Variants in DLGAP1 observed in about 807,000 individuals in gnomAD.
DLGAP1 encodes DLG associated protein 1.
A neutral mutation model predicts 90.8 loss-of-function variants in DLGAP1; 11 were observed. The observed-to-expected ratio is 0.12, with a 90% CI of 0.08 to 0.20. The LOEUF (loss-of-function observed/expected upper bound fraction) is 0.20, where lower values mean the gene tolerates loss of function less well. Among genes scored for constraint, DLGAP1 ranks in the 10% least tolerant of loss-of-function variants. The pLI, the probability that DLGAP1 is intolerant of heterozygous loss-of-function variation, is 1.00. For synonymous variants in DLGAP1, 558 were observed against 540.7 expected (o/e 1.03, Z -0.44); for missense variants, 1,050 against 1,333.8 (o/e 0.79, Z 3.31).
At chr18:3,664,204 ACACACACACACACC>A (rs1357485393) in intron 7 of DLGAP1, among the ~76,000 whole-genome samples, 109 of 139,836 alleles carry the variant, frequency 7.8e-4, no homozygotes, top group African/African-American at 1.4e-3. Context: ...ACACACACAC[ACACACACACACACC>A]CACACACACA....
At chr18:4,352,974 G>A (rs1490681754) in intron 1 of DLGAP1, among the ~76,000 whole-genome samples, 2 of 152,080 alleles carry the variant, frequency 1.3e-5, no homozygotes, top group Non-Finnish European at 2.9e-5. Flanking sequence ...CCTCACTCCC[G>A]AAAAGTCTTC....
At chr18:4,007,832 T>G (rs2074335176) in intron 2 of DLGAP1, among the ~76,000 whole-genome samples, 1 of 152,218 alleles carries the variant, frequency 6.6e-6, no homozygotes, top group Non-Finnish European at 1.5e-5. Context: ...CTATGGATCC[T>G]AGTCAGCATT....
Position 4,055,408 on chromosome 18 carries a change from G to A in DLGAP1, c.-158-50207C>T, listed in dbSNP as rs143879030. Among the ~76,000 whole-genome samples, 4 of 152,308 alleles carry A rather than the reference G, an allele frequency of 2.6e-5. No homozygotes were observed. The East Asian group carries it at 7.7e-4, about 29-fold the overall frequency. On this transcript the variant is annotated intron_variant, in intron 2 of 12. Coordinates refer to ENST00000315677, the MANE Select transcript of DLGAP1 (RefSeq NM_004746.4). ...AGATGATAAGCACAGAACCTGATAG[G>A]TAGTTTTTTATCCTCACTGTCCTCC...
rs79856107 is a variant in DLGAP1, at chr18:3,552,796, C to G, written c.2057+14694G>C. ...GACTTTTTAGCTCCATCTTCATCCC[C>G]GCTTTCAGAGCGCCCAATGCCACCC... On this transcript the variant is annotated intron_variant, in intron 9 of 12. Coordinates refer to ENST00000315677, the MANE Select transcript of DLGAP1 (RefSeq NM_004746.4). Among the ~76,000 whole-genome samples the G allele has an allele frequency of 2.7e-4, 41 of 152,284 alleles. No homozygotes were observed. In the East Asian group the frequency reaches 5.2e-3, roughly 19 times the overall value.
chr18:4,262,385 G>A (rs888331070), intron 1 of DLGAP1, among the ~76,000 whole-genome samples: 22 of 152,240 alleles, frequency 1.4e-4, no homozygotes, highest in Non-Finnish European at 1.9e-4. Context: ...TGTCTAAGTG[G>A]GTTATATTAT....
intron 5 of DLGAP1, among the ~76,000 whole-genome samples, chr18:3,781,478 G>A (rs938795270): frequency 1.3e-5 from 2 of 151,634 alleles, no homozygotes; most frequent in Non-Finnish European, 2.9e-5. Flanking sequence ...TCAGCCTCCC[G>A]AGTAGCTGGG....
chr18:4,355,900 A>G (rs2081503447), intron 1 of DLGAP1, among the ~76,000 whole-genome samples: 1 of 102,062 alleles, frequency 9.8e-6, no homozygotes, highest in Non-Finnish European at 2.4e-5. Flanking sequence ...ACTTCTCAAA[A>G]TTTATCTACT....
At chr18:3,508,765 G>A in intron 10 of DLGAP1, 104 bp from the exon 11 acceptor site, 1 of 851,704 alleles carries the variant, frequency 1.2e-6, no homozygotes, top group Admixed American at 2.2e-5. Context: ...TAGGGAAAAT[G>A]GCACACACAC....
intron 1 of DLGAP1, among the ~76,000 whole-genome samples, chr18:4,212,433 A>AGGT (rs1341785997): frequency 6.6e-6 from 1 of 151,504 alleles, no homozygotes; most frequent in Non-Finnish European, 1.5e-5. Context: ...TGGGAGGCTG[A>AGGT]GGTGGGTGGA....
At chr18:4,119,303 G>A (rs78766515) in intron 2 of DLGAP1, among the ~76,000 whole-genome samples, 1,749 of 151,994 alleles carry the variant, frequency 0.012, 11 homozygotes, top group Non-Finnish European at 0.018. Context: ...TATGTCTCAC[G>A]GGCTCTTCTT....
At chr18:4,417,214 T>A (rs902721367) in intron 1 of DLGAP1, among the ~76,000 whole-genome samples, 4 of 152,166 alleles carry the variant, frequency 2.6e-5, no homozygotes, top group Non-Finnish European at 1.5e-5. Context: ...TCCAGCTGTG[T>A]GGTCTCTGAA....
At chr18:3,583,160 A>C (rs1331743656) in intron 7 of DLGAP1, among the ~76,000 whole-genome samples, 2 of 130,044 alleles carry the variant, frequency 1.5e-5, no homozygotes, top group South Asian at 2.8e-4. Flanking sequence ...CTACCTACCT[A>C]CCTACCTACC....
intron 1 of DLGAP1, among the ~76,000 whole-genome samples, chr18:4,173,837 A>T (rs2077062576): frequency 1.3e-5 from 2 of 152,176 alleles, no homozygotes; most frequent in Non-Finnish European, 2.9e-5. Flanking sequence ...GGGCAATTTC[A>T]AATATATGGT....
chr18:4,328,151 C>T (rs1448056718), intron 1 of DLGAP1, among the ~76,000 whole-genome samples: 1 of 151,690 alleles, frequency 6.6e-6, no homozygotes, highest in Non-Finnish European at 1.5e-5. Flanking sequence ...AATTCAATCA[C>T]CTATTGAGTT....
intron 1 of DLGAP1, among the ~76,000 whole-genome samples, chr18:4,299,160 T>TG: frequency 6.6e-6 from 1 of 151,842 alleles, no homozygotes; most frequent in South Asian, 2.1e-4. Flanking sequence ...TCCGAAGTTC[T>TG]GGGGTGGAGC....
chr18:4,226,087 C>T (rs1053643343), intron 1 of DLGAP1, among the ~76,000 whole-genome samples: 4 of 152,248 alleles, frequency 2.6e-5, no homozygotes, highest in African/African-American at 9.6e-5. Flanking sequence ...TCCGATGCAC[C>T]TGGCAGCAGA....
At chr18:3,583,811 G>T (rs2055714556) in intron 7 of DLGAP1, among the ~76,000 whole-genome samples, 1 of 152,190 alleles carries the variant, frequency 6.6e-6, no homozygotes, top group Non-Finnish European at 1.5e-5. Context: ...AGCCGGGTGT[G>T]GTGGTGCATG....
intron 7 of DLGAP1, among the ~76,000 whole-genome samples, chr18:3,668,534 T>C (rs1240465116): frequency 1.3e-5 from 2 of 152,052 alleles, no homozygotes; most frequent in Non-Finnish European, 1.5e-5. Context: ...TTGCCCAGGC[T>C]GGGGAAAAGT....
intron 1 of DLGAP1, among the ~76,000 whole-genome samples, chr18:4,271,707 G>A (rs999210411): frequency 6.6e-6 from 1 of 152,072 alleles, no homozygotes; most frequent in African/African-American, 2.4e-5. Flanking sequence ...TTTTGGAGGT[G>A]GTGATTCTTA....
Sources: allele counts gnomAD v4.1 joint callset (sites outside exome capture counted in the v4.1 genomes callset), GRCh38; gene constraint gnomAD v4.1.1; transcripts MANE v1.5; gene names NCBI Gene and HGNC (gene_info 2026-07-23, HGNC 2026-07-21).